ACVR1C: variants seen among roughly 807,000 people sequenced by gnomAD.
ACVR1C encodes activin receptor type-1C.
ACVR1C carries 23 observed loss-of-function variants against 57.9 expected under a neutral mutation model. That is an observed-to-expected ratio of 0.40 (90% CI 0.29 to 0.56). The LOEUF is 0.56. Ranked by LOEUF, ACVR1C falls within the 20% of genes least tolerant of loss-of-function variation. The pLI is 0.50. For synonymous variants in ACVR1C, 214 were observed against 215.3 expected, an observed-to-expected ratio of 0.99 and a Z score of 0.05; for missense variants, 480 against 607.9, an observed-to-expected ratio of 0.79 and a Z score of 2.21.
chr2:157,557,671 G>A (rs1558976969), intron 2 of ACVR1C, among the ~76,000 whole-genome samples: 1 of 152,052 alleles, frequency 6.6e-6, no homozygotes, highest in East Asian at 1.9e-4. Flanking sequence ...ATCACTAAAA[G>A]TTCTACTAGT....
intron 8 of ACVR1C, among the ~76,000 whole-genome samples, chr2:157,537,892 TACTG>T (rs1329269563): frequency 5.9e-5 from 9 of 152,204 alleles, no homozygotes; most frequent in African/African-American, 1.9e-4. Flanking sequence ...TATGGTTAAA[TACTG>T]GTTTGCTGGA....
chr2:157,559,771 A>T (rs562923240), intron 2 of ACVR1C, among the ~76,000 whole-genome samples: 3 of 152,278 alleles, frequency 2.0e-5, no homozygotes, highest in African/African-American at 7.2e-5. Flanking sequence ...CATAAAGGTG[A>T]GGGCCTGGCT....
chr2:157,564,032 A>G (rs958682883), intron 2 of ACVR1C, among the ~76,000 whole-genome samples: 17 of 152,234 alleles, frequency 1.1e-4, no homozygotes, highest in African/African-American at 4.1e-4. Flanking sequence ...AACCTAAGCA[A>G]TACCATTCAG....
At chr2:157,546,843 T>A (rs925857457) in intron 4 of ACVR1C, among the ~76,000 whole-genome samples, 6 of 152,070 alleles carry the variant, frequency 3.9e-5, no homozygotes, top group Non-Finnish European at 8.8e-5. Flanking sequence ...ATACTTTAAG[T>A]TTTAGGGTAC....
At chr2:157,566,513 G>A (rs1018672293) in intron 2 of ACVR1C, among the ~76,000 whole-genome samples, 41 of 152,306 alleles carry the variant, frequency 2.7e-4, no homozygotes, top group Admixed American at 6.5e-4. Flanking sequence ...CCCACCGTGC[G>A]CGAGCCGAAG....
chr2:157,538,436 C>T (rs1687538314), intron 8 of ACVR1C, 137 bp downstream of exon 8: 1 of 813,062 alleles, frequency 1.2e-6, no homozygotes, highest in South Asian at 4.2e-5. Flanking sequence ...GGGAAAAAAT[C>T]CTTCTGAAGA....
At chr2:157,590,661 G>T (rs748052243) in intron 1 of ACVR1C, among the ~76,000 whole-genome samples, 6 of 151,872 alleles carry the variant, frequency 4.0e-5, no homozygotes, top group Non-Finnish European at 7.4e-5. Flanking sequence ...ATATTTATGT[G>T]ATACAGAAGA....
At chr2:157,541,251 C>T in intron 6 of ACVR1C, 37 bp from the exon 7 acceptor site, 10 of 1,582,732 alleles carry the variant, frequency 6.3e-6, no homozygotes, top group Non-Finnish European at 8.6e-6. Flanking sequence ...CTGTCTATGA[C>T]TTTATAGCAG....
intron 1 of ACVR1C, among the ~76,000 whole-genome samples, chr2:157,626,557 A>G (rs1682901766): frequency 6.6e-6 from 1 of 152,246 alleles, no homozygotes; most frequent in African/African-American, 2.4e-5. Flanking sequence ...CATTCCAACA[A>G]CAGCAAGTAC....
intron 2 of ACVR1C, among the ~76,000 whole-genome samples, chr2:157,581,292 A>G (rs964142045): frequency 1.3e-5 from 2 of 152,314 alleles, no homozygotes; most frequent in Admixed American, 1.3e-4. Flanking sequence ...CCAAACCCAG[A>G]GAGACTATAG....
At position 157,576,834 on chromosome 2, in the gene ACVR1C, T is replaced by TC. The variant is rs1688666116; in HGVS notation, c.304+10352dup. 2.1e-5 allele frequency among the ~76,000 whole-genome samples: 2 copies of TC among 95,094 alleles called. 1 individual carries two copies. The highest frequency in any genetic ancestry group is 4.3e-5 in the Non-Finnish European group (2 of 47,008). 62.4% of individuals were successfully genotyped at this position (95,094 alleles called of 152,430 possible). A position where few individuals can be genotyped will look rare whatever the true frequency, so the allele number is the denominator to read the frequency against. ...TAGAGCCTTTTGGGCTTTGAAATTT[T>TC]CTTTTTTTTTTTTTTTTTTTTTTTT... On this transcript the variant is annotated intron_variant, in intron 2 of 8. Transcript: ENST00000243349.
At chr2:157,620,668 A>T (rs1485207870) in intron 1 of ACVR1C, among the ~76,000 whole-genome samples, 2 of 152,146 alleles carry the variant, frequency 1.3e-5, no homozygotes, top group Non-Finnish European at 2.9e-5. Flanking sequence ...TGATGTTTTG[A>T]TACATGTATA....
chr2:157,622,638 C>A (rs1467450004), intron 1 of ACVR1C, among the ~76,000 whole-genome samples: 1 of 151,948 alleles, frequency 6.6e-6, no homozygotes, highest in Non-Finnish European at 1.5e-5. Context: ...TTAAACACCT[C>A]AAACTATGAA....
At chr2:157,624,516 A>G (rs1302365806) in intron 1 of ACVR1C, among the ~76,000 whole-genome samples, 1 of 152,258 alleles carries the variant, frequency 6.6e-6, no homozygotes, top group Non-Finnish European at 1.5e-5. Context: ...CTTGGGAAAA[A>G]CCAACTGCTT....
At chr2:157,602,812 C>T (rs1203678936) in intron 1 of ACVR1C, among the ~76,000 whole-genome samples, 4 of 152,036 alleles carry the variant, frequency 2.6e-5, no homozygotes, top group South Asian at 4.2e-4. Flanking sequence ...GTTGTTATCT[C>T]TGAGGTATGG....
intron 1 of ACVR1C, among the ~76,000 whole-genome samples, chr2:157,612,538 G>C (rs77539041): frequency 0.064 from 9,737 of 152,240 alleles, 475 homozygotes; most frequent in East Asian, 0.24. Context: ...TGCTGCAGCA[G>C]TGTGTGGAGT....
intron 2 of ACVR1C, among the ~76,000 whole-genome samples, chr2:157,559,096 A>G (rs756564215): frequency 5.9e-5 from 9 of 152,252 alleles, no homozygotes; most frequent in Non-Finnish European, 1.0e-4. Context: ...TCTATTAGGC[A>G]GAGCTCAGAT....
intron 2 of ACVR1C, among the ~76,000 whole-genome samples, chr2:157,557,980 C>T (rs993689337): frequency 3.3e-5 from 5 of 152,166 alleles, no homozygotes; most frequent in Non-Finnish European, 7.4e-5. Context: ...GCCTCTGCAT[C>T]AATCCCATTT....
At chr2:157,616,440 A>G (rs1040324614) in intron 1 of ACVR1C, among the ~76,000 whole-genome samples, 1 of 152,172 alleles carries the variant, frequency 6.6e-6, no homozygotes. Context: ...CTGAAATGCT[A>G]CAACTGTTCA....
Sources: gnomAD v4.1 joint callset for allele counts (sites outside exome capture counted in the v4.1 genomes callset) on GRCh38, gnomAD v4.1.1 for gene constraint, MANE v1.5 for transcripts, NCBI Gene and HGNC (gene_info 2026-07-23, HGNC 2026-07-21) for gene names.